EIF4E1B: variants seen among roughly 807,000 people sequenced by gnomAD.
The protein encoded by EIF4E1B is eukaryotic translation initiation factor 4E type 1B.
EIF4E1B carries 22 observed loss-of-function variants against 31.3 expected under a neutral mutation model. The ratio of observed to expected loss-of-function variants is 0.70; its 90% confidence interval spans 0.50 to 1.00. EIF4E1B has a LOEUF of 1.00. Among genes scored for constraint, EIF4E1B ranks in the 50% least tolerant of loss-of-function variants. The probability of loss-of-function intolerance (pLI) is 0.00; values close to 1 mark genes in which losing one functional copy is unlikely to be tolerated. For synonymous variants in EIF4E1B, 126 were observed against 120.2 expected (o/e 1.05, Z -0.31); for missense variants, 290 against 311.6 (o/e 0.93, Z 0.52).
chr5:176,633,088 C>G (rs1041812905), intron 1 of EIF4E1B, among the ~76,000 whole-genome samples: 5 of 152,314 alleles, frequency 3.3e-5, no homozygotes, highest in South Asian at 2.1e-4. Flanking sequence ...CCATGCCCAG[C>G]CATGGCATCG....
At chr5:176,644,223 G>C (rs886365818) in intron 5 of EIF4E1B, 153 bp from the exon 6 acceptor site, 14 of 759,368 alleles carry the variant, frequency 1.8e-5, no homozygotes, top group Non-Finnish European at 2.5e-5. Flanking sequence ...TTGAGAGTTT[G>C]GATAAACGGG....
rs548716188 is a variant in EIF4E1B at position 176,645,542 on chromosome 5, G to A, written c.614+26G>A. The A allele has an allele frequency of 6.7e-7, 1 of 1,503,682 alleles. No homozygotes were observed. Among genetic ancestry groups the A allele is most frequent in the African/African-American group, 1.4e-5 (1 of 71,416 alleles). 93.1% of individuals were successfully genotyped at this position (1,503,682 alleles called of 1,614,324 possible). On this transcript the variant is annotated intron_variant, in intron 8 of 8. Transcript: ENST00000318682. The surrounding 1 kb of genome is among the most constrained non-coding windows in gnomAD (Gnocchi z 5.4). The stretch of plus-strand genomic sequence containing the variant: ...GTGAGGAGGGTCTCTGGCACAGGGT[G>A]GGGACTTGGGTCTCTGCTAGAGGGA...
Position 176,643,127 on chromosome 5 carries a change from A to AAGG in EIF4E1B, c.71_73dup (p.Glu24dup), listed in dbSNP as rs1561910561. ...AATCCGAGAGTGGGAGGAGGAGGAG[A>AAGG]AGGAGGAGGAGGCAGCAGAGAGGAC... On this transcript the variant is annotated inframe_insertion, in exon 4 of 9. Transcript: ENST00000318682. The AAGG allele has an allele frequency of 3.1e-6, 5 of 1,613,452 alleles. No homozygotes were observed. Among genetic ancestry groups the AAGG allele is most frequent in the Non-Finnish European group, 4.2e-6 (5 of 1,179,718 alleles).
In EIF4E1B at chr5:176,645,885, C is replaced by A; in HGVS notation, c.634C>A (p.Leu212Met). Residue 212 changes from leucine (L) to methionine (M), a missense_variant, in exon 9 of 9, where the codon CTG (leucine) becomes ATG (methionine). Coordinates refer to ENST00000318682, the MANE Select transcript of EIF4E1B (RefSeq NM_001099408.2). This position sits in a 1 kb window ranked among gnomAD's most constrained non-coding sequence, Gnocchi z 5.4. ...CTGCAGGCGTGTATACAAAGAGCGC[C>A]TGGGCCTCTCCCCAAAGACCATCAT... ...LHVGRVYKER[L>M]GLSPKTIIGY... 4 of 1,601,390 alleles carry A rather than the reference C, an allele frequency of 2.5e-6. No homozygotes were observed. The highest frequency in any genetic ancestry group is 3.4e-6 in the Non-Finnish European group (4 of 1,174,206).
At chr5:176,631,822 G>A (rs1760396916) in intron 1 of EIF4E1B, among the ~76,000 whole-genome samples, 1 of 152,200 alleles carries the variant, frequency 6.6e-6, no homozygotes, top group Admixed American at 6.5e-5. Flanking sequence ...TTGATCCCGT[G>A]CGACTCTAGC....
At chr5:176,642,862 C>CTT (rs5873545) in intron 3 of EIF4E1B, 60 bp downstream of exon 3, 79 of 1,287,072 alleles carry the variant, frequency 6.1e-5, no homozygotes, top group Non-Finnish European at 6.9e-5. Context: ...CCCCCCCCCC[C>CTT]CCCGCCCCAG....
At chr5:176,644,592 C>T in intron 6 of EIF4E1B, 153 bp downstream of exon 6, 1 of 882,096 alleles carries the variant, frequency 1.1e-6, no homozygotes, top group Non-Finnish European at 1.7e-6. Context: ...AAATGCTCTA[C>T]AGGAGCCCGG....
chr5:176,632,967 G>A (rs1760430692), intron 1 of EIF4E1B, among the ~76,000 whole-genome samples: 1 of 152,170 alleles, frequency 6.6e-6, no homozygotes, highest in Non-Finnish European at 1.5e-5. Context: ...GGGTGGGGGA[G>A]GGGTGTGTTC....
At chr5:176,640,591 G>A (rs1760557164) in intron 1 of EIF4E1B, among the ~76,000 whole-genome samples, 1 of 152,200 alleles carries the variant, frequency 6.6e-6, no homozygotes, top group Non-Finnish European at 1.5e-5. Flanking sequence ...TCACCTGGAC[G>A]ACTACATTAG....
chr5:176,631,269 C>T (rs1033876569), intron 1 of EIF4E1B, among the ~76,000 whole-genome samples: 3 of 152,190 alleles, frequency 2.0e-5, no homozygotes, highest in African/African-American at 7.2e-5. Flanking sequence ...CAAAAGACAG[C>T]GCAGCTGGAG....
chr5:176,645,061 G>A lies in EIF4E1B; in HGVS notation c.361-69G>A, dbSNP rs745696173. The stretch of plus-strand genomic sequence containing the variant: ...GCCTCAGCAGAGAGCGGATAAGGCC[G>A]GGATGGTGGGTGGGTCCCCATTTCC... On this transcript the variant is annotated intron_variant, in intron 6 of 8. Coordinates refer to ENST00000318682, the MANE Select transcript of EIF4E1B (RefSeq NM_001099408.2). This position sits in a 1 kb window ranked among gnomAD's most constrained non-coding sequence, Gnocchi z 5.4. 172 of 1,390,394 alleles carry A rather than the reference G, an allele frequency of 1.2e-4. No individual in the cohort carries two copies. Among genetic ancestry groups the A allele is most frequent in the Non-Finnish European group, 1.6e-4 (160 of 1,011,436 alleles). 86.1% of individuals were successfully genotyped at this position (1,390,394 alleles called of 1,614,324 possible).
At position 176,638,647 on chromosome 5, in the gene EIF4E1B, C is replaced by T. The variant is rs1368223910; in HGVS notation, c.-201-3396C>T. Among the ~76,000 whole-genome samples, 1 of 152,200 alleles carries T rather than the reference C, an allele frequency of 6.6e-6. No homozygotes were observed. Among genetic ancestry groups the T allele is most frequent in the African/African-American group, 2.4e-5 (1 of 41,454 alleles). ...AACTGCAAGTGCAAAGGCCCTGAGG[C>T]AGGAACAAATCTAGCCTTTTGGAGG... On this transcript the variant is annotated intron_variant, in intron 1 of 8. Coordinates refer to ENST00000318682, the MANE Select transcript of EIF4E1B (RefSeq NM_001099408.2). The surrounding 1 kb of genome is among the most constrained non-coding windows in gnomAD (Gnocchi z 4.3).
intron 1 of EIF4E1B, among the ~76,000 whole-genome samples, chr5:176,637,052 C>T (rs1760505211): frequency 1.3e-5 from 2 of 152,264 alleles, no homozygotes; most frequent in South Asian, 2.1e-4. Context: ...TTTGCTAAAT[C>T]TATTGACCAA....
rs369219894 is a variant in EIF4E1B, at chr5:176,643,168, G to A, written c.102G>A (p.Lys34=). 1.9e-6 allele frequency: 3 copies of A among 1,613,802 alleles called. No individual in the cohort carries two copies. The highest frequency in any genetic ancestry group is 2.7e-5 in the African/African-American group (2 of 75,038). The change falls in exon 4 of 9, where the codon AAG becomes AAA. Residue 34 remains lysine (K), a synonymous_variant. Coordinates refer to ENST00000318682, the MANE Select transcript of EIF4E1B (RefSeq NM_001099408.2). ...EAAERTPTGE[K]SPNSPRTLLS... ...CAGAGAGGACGCCCACAGGAGAAAAGTCTCCAAACTCTCCCAGGACTTTGC... is the reference window on the plus strand; with the variant it reads ...CAGAGAGGACGCCCACAGGAGAAAAATCTCCAAACTCTCCCAGGACTTTGC...
At chr5:176,637,171 GCTCA>G (rs1203583666) in intron 1 of EIF4E1B, among the ~76,000 whole-genome samples, 1 of 152,210 alleles carries the variant, frequency 6.6e-6, no homozygotes, top group Non-Finnish European at 1.5e-5. Context: ...GGGCGTGGTG[GCTCA>G]CCCCTGTAAG....
intron 1 of EIF4E1B, among the ~76,000 whole-genome samples, chr5:176,633,642 T>G (rs1305624240): frequency 1.3e-5 from 2 of 152,106 alleles, no homozygotes; most frequent in Non-Finnish European, 2.9e-5. Flanking sequence ...AAACTCCTTA[T>G]TTGCTTAAAT....
At position 176,645,646 on chromosome 5, in the gene EIF4E1B, C is replaced by A; in HGVS notation, c.614+130C>A. The A allele has an allele frequency of 7.5e-7, 1 of 1,334,058 alleles. No homozygotes were observed. Among genetic ancestry groups the A allele is most frequent in the Non-Finnish European group, 1.0e-6 (1 of 1,004,844 alleles). The allele number at this position is 1,334,058 out of a possible 1,614,324, so 82.6% of individuals were successfully genotyped here. On this transcript the variant is annotated intron_variant, in intron 8 of 8. Transcript: ENST00000318682. This position sits in a 1 kb window ranked among gnomAD's most constrained non-coding sequence, Gnocchi z 5.4. ...CCTCCCTCCCTTCTGCCTTGCCCAC[C>A]TGTATGGAAGGTCTGGCGTTCAGAT...
intron 1 of EIF4E1B, among the ~76,000 whole-genome samples, chr5:176,633,525 G>A (rs1760443797): frequency 2.0e-5 from 3 of 152,272 alleles, no homozygotes; most frequent in Admixed American, 2.0e-4. Context: ...GCCCAGGCTG[G>A]TCTCGAACTC....
At chr5:176,643,583 C>CG (rs879011110) in intron 4 of EIF4E1B, 56 bp from the exon 5 acceptor site, 1 of 1,525,634 alleles carries the variant, frequency 6.6e-7, no homozygotes, top group South Asian at 1.2e-5. Flanking sequence ...CCAGGTGCCC[C>CG]GGGGGTGGAC....
Sources: allele counts gnomAD v4.1 joint callset (sites outside exome capture counted in the v4.1 genomes callset), GRCh38; gene constraint gnomAD v4.1.1; non-coding constraint Gnocchi (gnomAD v3.1); transcripts MANE v1.5; gene names NCBI Gene and HGNC (gene_info 2026-07-23, HGNC 2026-07-21).